Variants in IDO2 observed in about 807,000 individuals in gnomAD.
IDO2 encodes the protein indoleamine 2,3-dioxygenase-like 1 protein.
IDO2 carries 46 observed loss-of-function variants against 45.1 expected under a neutral mutation model. The ratio of observed to expected loss-of-function variants is 1.02; its 90% confidence interval spans 0.80 to 1.30. IDO2 has a LOEUF of 1.30. Among genes scored for constraint, IDO2 ranks in the 50% most tolerant of loss-of-function variants. IDO2 has a pLI of 0.00. For missense variants in IDO2, 544 were observed against 491.8 expected (o/e 1.11, Z -1.00); for synonymous variants, 218 against 184.9 (o/e 1.18, Z -1.45).
chr8:39,974,521 G>A (rs561728586), intron 3 of IDO2, among the ~76,000 whole-genome samples: 321 of 152,276 alleles, frequency 2.1e-3, no homozygotes, highest in Middle Eastern at 0.01. Context: ...GGTGGCTCAC[G>A]CCTGTAATCC....
intron 4 of IDO2, 108 bp downstream of exon 4, chr8:39,979,294 C>T (rs1808306602): frequency 4.1e-6 from 5 of 1,215,814 alleles, no homozygotes; most frequent in Non-Finnish European, 5.7e-6. Context: ...TGGGTACTTT[C>T]TTCTTCTCGA....
intron 9 of IDO2, among the ~76,000 whole-genome samples, chr8:40,010,573 A>G (rs1317020315): frequency 1.3e-5 from 2 of 152,196 alleles, no homozygotes; most frequent in Admixed American, 1.3e-4. Flanking sequence ...ATTACAATCC[A>G]GGGTGGTGGC....
intron 9 of IDO2, among the ~76,000 whole-genome samples, chr8:40,009,189 AT>A (rs1447597914): frequency 2.0e-5 from 3 of 151,852 alleles, no homozygotes; most frequent in Non-Finnish European, 4.4e-5. Context: ...TAATTTTTGT[AT>A]TTTCAGTAGA....
chr8:39,996,039 A>G (rs1368693842), intron 8 of IDO2, among the ~76,000 whole-genome samples: 1 of 150,932 alleles, frequency 6.6e-6, no homozygotes, highest in Non-Finnish European at 1.5e-5. Flanking sequence ...TTTCATTGCT[A>G]TCTAAAAATC....
Position 40,010,700 on chromosome 8 carries a change from T to C in IDO2, c.720-2865T>C, listed in dbSNP as rs193100761. ...AGATAATTTGCAGGTTTTGGGGTCC[T>C]GGTTCACTGAAAGAACAGAGACATC... On this transcript the variant is annotated intron_variant, in intron 9 of 10. Coordinates refer to ENST00000502986, the Ensembl canonical transcript of IDO2. Among the ~76,000 whole-genome samples, 323 of 152,262 alleles carry C rather than the reference T, an allele frequency of 2.1e-3. 2 individuals carry two copies. Among genetic ancestry groups the C allele is most frequent in the African/African-American group, 7.1e-3 (293 of 41,540 alleles).
intron 8 of IDO2, among the ~76,000 whole-genome samples, chr8:39,994,942 C>T (rs907032882): frequency 6.6e-6 from 1 of 151,934 alleles, no homozygotes; most frequent in Non-Finnish European, 1.5e-5. Flanking sequence ...TAGTTTACTG[C>T]AAAGATCAAG....
intron 2 of IDO2, among the ~76,000 whole-genome samples, chr8:39,956,785 G>A (rs919225419): frequency 4.6e-5 from 7 of 151,956 alleles, no homozygotes; most frequent in Admixed American, 3.3e-4. Context: ...GGTGGCTCAC[G>A]CCTGTAACCC....
At chr8:40,013,125 G>A (rs1435647309) in intron 9 of IDO2, among the ~76,000 whole-genome samples, 1 of 152,050 alleles carries the variant, frequency 6.6e-6, no homozygotes, top group Non-Finnish European at 1.5e-5. Context: ...GTGGGTGTTT[G>A]TGTATATTTG....
intron 9 of IDO2, among the ~76,000 whole-genome samples, chr8:40,008,427 T>G (rs1001768712): frequency 3.3e-5 from 5 of 152,150 alleles, no homozygotes; most frequent in Admixed American, 2.0e-4. Context: ...AACTCTCTGA[T>G]TTTAAAGGTC....
At chr8:39,986,681 G>GATAGATAC (rs1808428231) in intron 6 of IDO2, among the ~76,000 whole-genome samples, 4 of 142,354 alleles carry the variant, frequency 2.8e-5, no homozygotes, top group African/African-American at 9.1e-5. Flanking sequence ...GAGATAGATA[G>GATAGATAC]ATAGATAGAT....
chr8:39,958,588 T>A (rs1807939216), intron 2 of IDO2, among the ~76,000 whole-genome samples: 1 of 152,144 alleles, frequency 6.6e-6, no homozygotes, highest in Non-Finnish European at 1.5e-5. Context: ...GTAGCTGAGA[T>A]TATAGGCTCG....
exon 5 of IDO2, chr8:39,982,693 C>T (rs1367560944): frequency 6.2e-7 from 1 of 1,611,812 alleles, no homozygotes; most frequent in Non-Finnish European, 8.5e-7. Flanking sequence ...TCGAAGTCTC[C>T]AGGAACTTGG....
At chr8:39,979,144 C>T in exon 4 of IDO2, 3 of 1,602,166 alleles carry the variant, frequency 1.9e-6, no homozygotes, top group Non-Finnish European at 2.6e-6. Context: ...GCTTCCTCAC[C>T]ATGGGTTATG....
At chr8:39,990,285 A>G (rs1044753082) in intron 8 of IDO2, among the ~76,000 whole-genome samples, 1 of 152,176 alleles carries the variant, frequency 6.6e-6, no homozygotes, top group Admixed American at 6.5e-5. Context: ...AGCCTTGTCT[A>G]ATGGATGGCC....
intron 2 of IDO2, among the ~76,000 whole-genome samples, chr8:39,962,620 T>C (rs1348012470): frequency 6.6e-6 from 1 of 152,084 alleles, no homozygotes; most frequent in Non-Finnish European, 1.5e-5. Context: ...ATGACGGAAT[T>C]TATTAAGCAA....
intron 2 of IDO2, among the ~76,000 whole-genome samples, chr8:39,959,916 T>A (rs921523643): frequency 1.3e-5 from 2 of 151,862 alleles, no homozygotes; most frequent in Non-Finnish European, 2.9e-5. Flanking sequence ...GAGGCAGAGG[T>A]TGCAGTGAGC....
At chr8:39,965,785 G>A (rs1808076013) in intron 3 of IDO2, among the ~76,000 whole-genome samples, 1 of 152,104 alleles carries the variant, frequency 6.6e-6, no homozygotes, top group Admixed American at 6.6e-5. Flanking sequence ...GCCAAGATGT[G>A]CCAAGGATTG....
At chr8:39,937,723 G>A (rs1007409257) in intron 1 of IDO2, among the ~76,000 whole-genome samples, 4 of 151,974 alleles carry the variant, frequency 2.6e-5, no homozygotes, top group African/African-American at 9.7e-5. Flanking sequence ...GTCTGGCTAC[G>A]TTGCCCAGGC....
At chr8:39,958,667 T>A (rs1381182675) in intron 2 of IDO2, among the ~76,000 whole-genome samples, 1 of 152,178 alleles carries the variant, frequency 6.6e-6, no homozygotes, top group Non-Finnish European at 1.5e-5. Context: ...GCCAGGCTCG[T>A]CTTGAACCTC....
Sources: allele counts gnomAD v4.1 joint callset (sites outside exome capture counted in the v4.1 genomes callset), GRCh38; gene constraint gnomAD v4.1.1; transcripts MANE v1.5; gene names NCBI Gene and HGNC (gene_info 2026-07-23, HGNC 2026-07-21).